The following SDK1 variants were observed in gnomAD, a reference collection of about 807,000 sequenced individuals.
The protein encoded by SDK1 is protein sidekick-1.
Under a neutral mutation model 245.5 loss-of-function variants are expected in SDK1, and 157 were observed. The observed-to-expected ratio is 0.64, with a 90% CI of 0.56 to 0.73. The LOEUF (loss-of-function observed/expected upper bound fraction) is 0.73, where lower values mean the gene tolerates loss of function less well. SDK1 is among the 30% of genes least tolerant of loss of function. The probability of loss-of-function intolerance (pLI) is 0.00; values close to 1 mark genes in which losing one functional copy is unlikely to be tolerated. For synonymous variants in SDK1, 1,647 were observed against 1,278.5 expected, an observed-to-expected ratio of 1.29 and a Z score of -6.15; for missense variants, 3,583 against 3,002.3, an observed-to-expected ratio of 1.19 and a Z score of -4.52.
chr7:3,322,450 G>A (rs2128547862), intron 1 of SDK1, among the ~76,000 whole-genome samples: 1 of 152,222 alleles, frequency 6.6e-6, no homozygotes, highest in South Asian at 2.1e-4. Flanking sequence ...GAACATGTAT[G>A]TGTGTTTGAA....
intron 4 of SDK1, among the ~76,000 whole-genome samples, chr7:3,784,045 A>G (rs978177821): frequency 5.3e-5 from 8 of 151,946 alleles, no homozygotes; most frequent in Non-Finnish European, 1.2e-4. Flanking sequence ...GAACCCATGC[A>G]TATGATTTAA....
rs56306302 is a variant in SDK1, at chr7:3,504,182, A to ATGTGTGTGTG, written c.299-114876_299-114867dup. 6.8e-3 allele frequency among the ~76,000 whole-genome samples: 897 copies of ATGTGTGTGTG among 131,932 alleles called. 14 individuals carry two copies. The highest frequency in any genetic ancestry group is 0.021 in the African/African-American group (734 of 35,582). The allele number at this position is 131,932 out of a possible 152,430, so 86.6% of individuals were successfully genotyped here. On this transcript the variant is annotated intron_variant, in intron 1 of 44. Coordinates refer to ENST00000404826, the MANE Select transcript of SDK1 (RefSeq NM_152744.4). ...AACCAAAAAAATTATATATATATAT[A>ATGTGTGTGTG]TGTGTGTGTGTGTGTGTGTGTGTGT...
intron 17 of SDK1, among the ~76,000 whole-genome samples, chr7:4,020,224 A>G (rs1485629722): frequency 2.0e-5 from 3 of 152,090 alleles, no homozygotes; most frequent in Admixed American, 6.5e-5. Context: ...TTAGGACACT[A>G]TCCCTTGGAC....
intron 22 of SDK1, among the ~76,000 whole-genome samples, chr7:4,096,209 C>T (rs912251785): frequency 1.3e-5 from 2 of 152,240 alleles, no homozygotes; most frequent in African/African-American, 4.8e-5. Flanking sequence ...CAGATCCCCT[C>T]ACTCTACCTT....
chr7:3,692,359 G>A (rs1207682431), intron 4 of SDK1, among the ~76,000 whole-genome samples: 1 of 152,116 alleles, frequency 6.6e-6, no homozygotes, highest in Non-Finnish European at 1.5e-5. Context: ...ATATGTGTGT[G>A]TCTGTGTGTG....
chr7:4,244,320 G>C (rs1475688320), intron 43 of SDK1, among the ~76,000 whole-genome samples: 1 of 152,190 alleles, frequency 6.6e-6, no homozygotes, highest in East Asian at 1.9e-4. Flanking sequence ...GTTGCTGGGG[G>C]TCCTGGACAT....
chr7:4,268,462 C>T lies in SDK1; in HGVS notation c.*3078C>T. 1.7e-6 allele frequency: 2 copies of T among 1,152,342 alleles called. No homozygotes were observed. The highest frequency in any genetic ancestry group is 3.9e-4 in the Middle Eastern group (1 of 2,574). The allele number at this position is 1,152,342 out of a possible 1,614,324, so 71.4% of individuals were successfully genotyped here. A position where few individuals can be genotyped will look rare whatever the true frequency, so the allele number is the denominator to read the frequency against. On this transcript the variant is annotated 3_prime_UTR_variant, in exon 45 of 45. Coordinates refer to ENST00000404826, the MANE Select transcript of SDK1 (RefSeq NM_152744.4). ...TCCCAGCCTGCTTTTATAAGGCGCA[C>T]TTCACTCAATGCTGTAGCCAAAAAA...
At position 3,820,213 on chromosome 7, in the gene SDK1, G is replaced by A. The variant is rs554502855; in HGVS notation, c.714-1237G>A. ...TCACCAGGCTGGGGTGTGGCGGCGT[G>A]ATCTCAGCTCACTTCAGCCTCCGCC... On this transcript the variant is annotated intron_variant, in intron 4 of 44. Transcript: ENST00000404826. Among the ~76,000 whole-genome samples the A allele has an allele frequency of 9.9e-5, 15 of 152,134 alleles. No individual in the cohort carries two copies. The East Asian group carries it at 2.5e-3, about 26-fold the overall frequency.
chr7:3,445,759 A>G (rs1182352242), intron 1 of SDK1, among the ~76,000 whole-genome samples: 1 of 152,156 alleles, frequency 6.6e-6, no homozygotes, highest in Non-Finnish European at 1.5e-5. Context: ...ACATTAGACA[A>G]TATTATTTTT....
At chr7:4,081,677 C>T (rs1193150676) in intron 22 of SDK1, among the ~76,000 whole-genome samples, 2 of 152,108 alleles carry the variant, frequency 1.3e-5, no homozygotes, top group African/African-American at 4.8e-5. Flanking sequence ...CTCGGCCTCC[C>T]AAATCGCTGG....
intron 35 of SDK1, among the ~76,000 whole-genome samples, chr7:4,193,243 C>T (rs1783331030): frequency 1.7e-5 from 2 of 120,658 alleles, no homozygotes; most frequent in South Asian, 5.1e-4. Flanking sequence ...TATAAATATA[C>T]AATATATTGT....
chr7:3,670,928 A>G (rs934957395), intron 4 of SDK1, among the ~76,000 whole-genome samples: 4 of 152,222 alleles, frequency 2.6e-5, no homozygotes, highest in African/African-American at 4.8e-5. Flanking sequence ...TTTGATTCCT[A>G]CAAGGACAGG....
chr7:4,159,038 G>A (rs1434084298), intron 31 of SDK1, among the ~76,000 whole-genome samples: 2 of 152,160 alleles, frequency 1.3e-5, no homozygotes, highest in Admixed American at 6.5e-5. Context: ...GGCCTGTGGC[G>A]AGCCCAGGAG....
intron 2 of SDK1, among the ~76,000 whole-genome samples, chr7:3,632,782 A>G (rs1208462590): frequency 2.6e-5 from 4 of 152,200 alleles, no homozygotes; most frequent in African/African-American, 7.2e-5. Flanking sequence ...AGTGAGCTGT[A>G]TACACCATCA....
intron 26 of SDK1, among the ~76,000 whole-genome samples, chr7:4,127,786 C>A (rs1422993961): frequency 2.0e-5 from 3 of 152,250 alleles, no homozygotes; most frequent in African/African-American, 7.2e-5. Context: ...CCTCGCTGGC[C>A]TCAGTGCCGC....
intron 1 of SDK1, among the ~76,000 whole-genome samples, chr7:3,366,419 C>T (rs1299763756): frequency 1.3e-5 from 2 of 151,368 alleles, no homozygotes; most frequent in African/African-American, 4.9e-5. Flanking sequence ...ATCTTCCTCA[C>T]TCCTTTTTAC....
chr7:4,015,260 C>T (rs1005318248), intron 16 of SDK1, among the ~76,000 whole-genome samples: 4 of 152,108 alleles, frequency 2.6e-5, no homozygotes, highest in Non-Finnish European at 4.4e-5. Flanking sequence ...CAAAGTCTTC[C>T]GATGCTGGTT....
At chr7:4,161,890 A>T (rs769249109) in intron 32 of SDK1, 34 bp downstream of exon 32, 1 of 1,580,846 alleles carries the variant, frequency 6.3e-7, no homozygotes, top group Non-Finnish European at 8.7e-7. Flanking sequence ...CGTTTTGTCA[A>T]ATGTGTTCTC....
chr7:3,648,461 A>C (rs760771917), intron 4 of SDK1, among the ~76,000 whole-genome samples: 13 of 152,240 alleles, frequency 8.5e-5, no homozygotes, highest in Non-Finnish European at 1.8e-4. Context: ...GCAATAGACA[A>C]CTTGCCAGTA....
Sources: allele counts gnomAD v4.1 joint callset (sites outside exome capture counted in the v4.1 genomes callset), GRCh38; gene constraint gnomAD v4.1.1; transcripts MANE v1.5; gene names NCBI Gene and HGNC (gene_info 2026-07-23, HGNC 2026-07-21).